The following SEPTIN9 variants were observed in gnomAD, a reference collection of about 807,000 sequenced individuals.
The protein encoded by SEPTIN9 is septin-9.
SEPTIN9 carries 13 observed loss-of-function variants against 56.6 expected under a neutral mutation model. That is an observed-to-expected ratio of 0.23 (90% CI 0.15 to 0.37). The LOEUF (loss-of-function observed/expected upper bound fraction) is 0.37. Ranked by LOEUF, SEPTIN9 falls within the 10% of genes least tolerant of loss-of-function variation. The probability of loss-of-function intolerance (pLI) is 1.00; values close to 1 mark genes in which losing one functional copy is unlikely to be tolerated. For missense variants in SEPTIN9, 650 were observed against 823.1 expected (o/e 0.79, Z 2.57); for synonymous variants, 332 against 334.1 (o/e 0.99, Z 0.07).
At chr17:77,358,691 C>T (rs941673314) in intron 2 of SEPTIN9, among the ~76,000 whole-genome samples, 21 of 152,158 alleles carry the variant, frequency 1.4e-4, no homozygotes, top group Non-Finnish European at 2.9e-5. Context: ...AATGCCAAAA[C>T]CAACCCACAA....
At chr17:77,420,870 C>T (rs961742737) in intron 3 of SEPTIN9, among the ~76,000 whole-genome samples, 1 of 152,232 alleles carries the variant, frequency 6.6e-6, no homozygotes, top group Admixed American at 6.5e-5. Flanking sequence ...CACTCTCAAA[C>T]GCTGGCTTTC....
chr17:77,393,856 G>A (rs867006947), intron 2 of SEPTIN9, among the ~76,000 whole-genome samples: 9 of 152,112 alleles, frequency 5.9e-5, no homozygotes, highest in Middle Eastern at 3.2e-3. Flanking sequence ...AAAGTGTTAG[G>A]ATTACAGGCA....
At chr17:77,396,358 T>C (rs757004320) in intron 2 of SEPTIN9, among the ~76,000 whole-genome samples, 6 of 152,240 alleles carry the variant, frequency 3.9e-5, no homozygotes, top group African/African-American at 1.4e-4. Context: ...ATCTGCCCAG[T>C]TGGGCCTGTG....
Position 77,487,297 on chromosome 17 carries a change from G to A in SEPTIN9, c.914-127G>A. On this transcript the variant is annotated intron_variant, in intron 4 of 11. Coordinates refer to ENST00000427177, the MANE Select transcript of SEPTIN9 (RefSeq NM_001113491.2). This position sits in a 1 kb window ranked among gnomAD's most constrained non-coding sequence, Gnocchi z 4.3. ...GGGCTGCTTGGCAGGGATATTGCCG[G>A]GAGGTAGCCCAGGCACTGCTGAATC... 9.7e-7 allele frequency: 1 copy of A among 1,036,162 alleles called. No individual in the cohort carries two copies. The allele number at this position is 1,036,162 out of a possible 1,614,324, so 64.2% of individuals were successfully genotyped here.
At chr17:77,383,180 CCT>C in intron 2 of SEPTIN9, among the ~76,000 whole-genome samples, 1 of 21,352 alleles carries the variant, frequency 4.7e-5, no homozygotes, top group Non-Finnish European at 1.2e-4. Flanking sequence ...CTCCCTCCCT[CCT>C]TCTCTCCCTC....
At chr17:77,452,462 A>G (rs949714609) in intron 3 of SEPTIN9, among the ~76,000 whole-genome samples, 3 of 152,134 alleles carry the variant, frequency 2.0e-5, no homozygotes, top group African/African-American at 4.8e-5. Flanking sequence ...TTGCTTTTTC[A>G]TGTGAAATCT....
intron 3 of SEPTIN9, among the ~76,000 whole-genome samples, chr17:77,416,740 C>A (rs1474825107): frequency 6.6e-6 from 1 of 152,148 alleles, no homozygotes; most frequent in Non-Finnish European, 1.5e-5. Flanking sequence ...GGTTGTCCAC[C>A]CTCGCCCACT....
chr17:77,438,071 G>A (rs900521704), intron 3 of SEPTIN9, among the ~76,000 whole-genome samples: 1 of 152,252 alleles, frequency 6.6e-6, no homozygotes. Flanking sequence ...CTGAGGGCTT[G>A]GATGGCCCTG....
chr17:77,300,571 A>G (rs1301337517), intron 1 of SEPTIN9, among the ~76,000 whole-genome samples: 2 of 152,114 alleles, frequency 1.3e-5, no homozygotes, highest in African/African-American at 4.8e-5. Flanking sequence ...TTAGTTGTCC[A>G]CTAAGTCTGG....
At chr17:77,485,631 T>G (rs755680821) in intron 4 of SEPTIN9, among the ~76,000 whole-genome samples, 4 of 151,924 alleles carry the variant, frequency 2.6e-5, no homozygotes, top group Non-Finnish European at 5.9e-5. Flanking sequence ...TAAGGTGTCG[T>G]GGCTGGAACA....
At position 77,487,593 on chromosome 17, in the gene SEPTIN9, GCC is replaced by G. The variant is rs2039849298; in HGVS notation, c.1042+42_1042+43del. The G allele has an allele frequency of 6.3e-7, 1 of 1,596,864 alleles. No individual in the cohort carries two copies. The highest frequency in any genetic ancestry group is 1.5e-5 in the African/African-American group (1 of 65,804). ...TGGGCTGGGGGTGCAGGACGCCCCT[GCC>G]TTCCTGGAGCACAGGGGTTGGGGGT... On this transcript the variant is annotated intron_variant, in intron 5 of 11. Transcript: ENST00000427177. The surrounding 1 kb of genome is among the most constrained non-coding windows in gnomAD (Gnocchi z 4.3).
intron 3 of SEPTIN9, among the ~76,000 whole-genome samples, chr17:77,424,239 G>A (rs894175069): frequency 1.1e-4 from 16 of 152,282 alleles, no homozygotes; most frequent in Admixed American, 1.3e-4. Context: ...CAGAGAGGTT[G>A]AGGAACTGGC....
chr17:77,448,332 C>T (rs550951504), intron 3 of SEPTIN9, among the ~76,000 whole-genome samples: 38 of 152,054 alleles, frequency 2.5e-4, no homozygotes, highest in Non-Finnish European at 4.7e-4. Flanking sequence ...AAGTAGCCGC[C>T]GGACATGGTG....
intron 3 of SEPTIN9, chr17:77,428,888 C>T (rs1455208005): frequency 4.8e-6 from 2 of 412,820 alleles, no homozygotes; most frequent in African/African-American, 2.1e-5. Flanking sequence ...CTGAATTTGC[C>T]TCATCGTATG....
At chr17:77,482,419 G>A in intron 4 of SEPTIN9, 84 bp downstream of exon 4, 2 of 1,388,150 alleles carry the variant, frequency 1.4e-6, no homozygotes, top group Non-Finnish European at 2.0e-6. Context: ...TTTGGGCTTG[G>A]TCTTCCCTTC....
At chr17:77,385,622 G>C (rs1048208604) in intron 2 of SEPTIN9, among the ~76,000 whole-genome samples, 2 of 152,230 alleles carry the variant, frequency 1.3e-5, no homozygotes, top group African/African-American at 4.8e-5. Flanking sequence ...CTAGGATTGA[G>C]AGATGAGGAA....
In SEPTIN9 at chr17:77,308,918, G is replaced by T. The variant is rs573710587; in HGVS notation, c.76+1721G>T. ...GGATGGGACTGTATGTGGGAAGAGG[G>T]GGGTGATGCTCTGGCTGGAGGCCCC... is the stretch of plus-strand genomic sequence containing the variant. On this transcript the variant is annotated intron_variant, in intron 2 of 11. Coordinates refer to ENST00000427177, the MANE Select transcript of SEPTIN9 (RefSeq NM_001113491.2). Among the ~76,000 whole-genome samples the T allele has an allele frequency of 2.0e-5, 3 of 152,362 alleles. No homozygotes were observed. In the East Asian group the frequency reaches 5.8e-4, roughly 29 times the overall value.
chr17:77,373,834 T>C (rs762819207), intron 2 of SEPTIN9: 13 of 449,606 alleles, frequency 2.9e-5, no homozygotes, highest in Non-Finnish European at 3.7e-5. Context: ...TCCTTCCTTT[T>C]ATTGTTGTTT....
chr17:77,406,368 C>T (rs1203995006), intron 3 of SEPTIN9, among the ~76,000 whole-genome samples: 1 of 152,182 alleles, frequency 6.6e-6, no homozygotes, highest in Non-Finnish European at 1.5e-5. Context: ...CTATGCATCC[C>T]TCAAAACCTG....
Sources: gnomAD v4.1 joint callset for allele counts (sites outside exome capture counted in the v4.1 genomes callset) on GRCh38, gnomAD v4.1.1 for gene constraint, Gnocchi (gnomAD v3.1) non-coding constraint, MANE v1.5 for transcripts, NCBI Gene and HGNC (gene_info 2026-07-23, HGNC 2026-07-21) for gene names.